The following MINDY2 variants were observed in gnomAD, a reference collection of about 807,000 sequenced individuals.
The protein encoded by MINDY2 is ubiquitin carboxyl-terminal hydrolase MINDY-2.
Under a neutral mutation model 68.2 loss-of-function variants are expected in MINDY2, and 52 were observed. The observed-to-expected ratio is 0.76, with a 90% CI of 0.61 to 0.96. MINDY2 has a LOEUF of 0.96. Ranked by LOEUF, MINDY2 falls within the 40% of genes least tolerant of loss-of-function variation. The pLI, the probability that MINDY2 is intolerant of heterozygous loss-of-function variation, is 0.00. For missense variants in MINDY2, 881 were observed against 773.4 expected, an observed-to-expected ratio of 1.14 and a Z score of -1.65; for synonymous variants, 372 against 303.0, an observed-to-expected ratio of 1.23 and a Z score of -2.36.
In MINDY2 at chr15:58,847,370, A is replaced by T; in HGVS notation, c.1442A>T (p.Asn481Ile). 6.2e-7 allele frequency: 1 copy of T among 1,609,292 alleles called. No individual in the cohort carries two copies. Among genetic ancestry groups the T allele is most frequent in the Non-Finnish European group, 8.5e-7 (1 of 1,176,424 alleles). ...EEKVVWESLH[N>I]VDGDGNFCDS... is the part of the protein sequence containing the mutation. ...AAAGTTGTTTGGGAAAGCCTACACA[A>T]CGTAGATGGTGATGGAAATTTCTGT... Residue 481 changes from asparagine (N) to isoleucine (I), a missense_variant, in exon 7 of 9, where the codon AAC (asparagine) becomes ATC (isoleucine). By Grantham distance (149) the Asn-to-Ile change is moderately radical. Coordinates refer to ENST00000559228, the MANE Select transcript of MINDY2 (RefSeq NM_001040450.3).
chr15:58,779,831 A>G (rs1030159231), intron 1 of MINDY2, among the ~76,000 whole-genome samples: 24 of 152,106 alleles, frequency 1.6e-4, no homozygotes, highest in Non-Finnish European at 2.9e-4. Context: ...ATAGTGATAG[A>G]TGTGTTCATT....
chr15:58,797,596 T>G (rs1043916172), intron 2 of MINDY2, among the ~76,000 whole-genome samples: 2 of 152,206 alleles, frequency 1.3e-5, no homozygotes, highest in African/African-American at 4.8e-5. Context: ...ACATTTGAGC[T>G]CAAATTCGTG....
chr15:58,791,225 A>ATC (rs1901881549), intron 2 of MINDY2, among the ~76,000 whole-genome samples: 1 of 21,090 alleles, frequency 4.7e-5, no homozygotes, highest in Non-Finnish European at 6.3e-5. Context: ...TTATATATAT[A>ATC]TATATATATA....
intron 6 of MINDY2, among the ~76,000 whole-genome samples, chr15:58,832,354 G>A (rs1257417694): frequency 6.6e-6 from 1 of 150,900 alleles, no homozygotes; most frequent in African/African-American, 2.4e-5. Flanking sequence ...AGCTTCCCGA[G>A]TAGCTGGGAT....
intron 5 of MINDY2, among the ~76,000 whole-genome samples, chr15:58,824,219 CT>C (rs1411245198): frequency 1.3e-5 from 2 of 152,168 alleles, no homozygotes; most frequent in Non-Finnish European, 2.9e-5. Context: ...TTCATTACTT[CT>C]TTTTCCTTAA....
intron 6 of MINDY2, among the ~76,000 whole-genome samples, chr15:58,842,733 G>A (rs571675238): frequency 6.6e-6 from 1 of 152,102 alleles, no homozygotes; most frequent in Non-Finnish European, 1.5e-5. Context: ...TAGAGGCTTT[G>A]TACTATATTA....
At chr15:58,796,610 G>A (rs1902298825) in intron 2 of MINDY2, among the ~76,000 whole-genome samples, 2 of 152,176 alleles carry the variant, frequency 1.3e-5, no homozygotes, top group Admixed American at 6.5e-5. Flanking sequence ...TGCAACCTCT[G>A]CCTCCCAGGT....
rs970822399 is a variant in MINDY2 at position 58,861,202 on chromosome 15, T to C, written c.*6592T>C. 1 of 152,254 alleles carries C rather than the reference T, an allele frequency of 6.6e-6. No individual in the cohort carries two copies. Among genetic ancestry groups the C allele is most frequent in the Non-Finnish European group, 1.5e-5 (1 of 68,044 alleles). 9.4% of individuals were successfully genotyped at this position (152,254 alleles called of 1,614,324 possible). ...GGTATAATGACTACAGAGAAAATTATCTTGAAATATAGCAAGGAAGAGAAA... is the reference window on the plus strand; with the variant it reads ...GGTATAATGACTACAGAGAAAATTACCTTGAAATATAGCAAGGAAGAGAAA... On this transcript the variant is annotated 3_prime_UTR_variant, in exon 9 of 9. Transcript: ENST00000559228.
At chr15:58,784,620 CTT>C (rs777455607) in intron 1 of MINDY2, among the ~76,000 whole-genome samples, 11 of 129,824 alleles carry the variant, frequency 8.5e-5, no homozygotes, top group Non-Finnish European at 8.2e-5. Context: ...TCTTTCTTTC[CTT>C]TTTTTTTTTT....
intron 1 of MINDY2, among the ~76,000 whole-genome samples, chr15:58,778,131 T>A (rs1900894208): frequency 6.6e-6 from 1 of 152,154 alleles, no homozygotes; most frequent in African/African-American, 2.4e-5. Flanking sequence ...TACTTTTTTT[T>A]TATTTTAGAA....
At chr15:58,813,367 T>C (rs2030435975) in intron 4 of MINDY2, among the ~76,000 whole-genome samples, 1 of 152,082 alleles carries the variant, frequency 6.6e-6, no homozygotes, top group South Asian at 2.1e-4. Context: ...TCATGGCATG[T>C]GCCTATAATC....
intron 5 of MINDY2, among the ~76,000 whole-genome samples, chr15:58,822,753 T>A (rs534146021): frequency 6.6e-6 from 1 of 152,168 alleles, no homozygotes; most frequent in South Asian, 2.1e-4. Context: ...CATGTAGATA[T>A]ACCTTCTCAG....
chr15:58,779,759 G>A (rs1901013178), intron 1 of MINDY2, among the ~76,000 whole-genome samples: 1 of 152,226 alleles, frequency 6.6e-6, no homozygotes. Context: ...CTCTGGATTT[G>A]TAAGATAAGG....
At chr15:58,786,251 T>C (rs1361175734) in intron 1 of MINDY2, among the ~76,000 whole-genome samples, 6 of 152,232 alleles carry the variant, frequency 3.9e-5, no homozygotes, top group African/African-American at 1.4e-4. Context: ...GGGGGAATTG[T>C]TGGAGAAATT....
chr15:58,846,699 GTT>G (rs1459398190), intron 6 of MINDY2, among the ~76,000 whole-genome samples: 1 of 151,798 alleles, frequency 6.6e-6, no homozygotes, highest in Admixed American at 6.6e-5. Context: ...CACGTACAGA[GTT>G]TATGTGATAA....
At chr15:58,821,614 T>G in intron 4 of MINDY2, 103 bp from the exon 5 acceptor site, 1 of 516,402 alleles carries the variant, frequency 1.9e-6, no homozygotes, top group Non-Finnish European at 3.0e-6. Context: ...AATAGTTTTA[T>G]ATTTAGTATT....
At chr15:58,839,091 TTAAA>T (rs2032147508) in intron 6 of MINDY2, among the ~76,000 whole-genome samples, 1 of 152,078 alleles carries the variant, frequency 6.6e-6, no homozygotes, top group Non-Finnish European at 1.5e-5. Context: ...AAAAGTTTTT[TTAAA>T]TATTTATTTA....
intron 1 of MINDY2, among the ~76,000 whole-genome samples, chr15:58,784,868 C>G (rs1483533643): frequency 6.6e-6 from 1 of 151,782 alleles, no homozygotes; most frequent in African/African-American, 2.4e-5. Context: ...CTCCTGGGCT[C>G]AAGTGATCCT....
chr15:58,823,751 G>C (rs1221099636), intron 5 of MINDY2, among the ~76,000 whole-genome samples: 2 of 152,114 alleles, frequency 1.3e-5, no homozygotes, highest in African/African-American at 4.8e-5. Flanking sequence ...TACAGCATGA[G>C]GCAGCAGTGT....
Sources: gnomAD v4.1 joint callset for allele counts (sites outside exome capture counted in the v4.1 genomes callset) on GRCh38, gnomAD v4.1.1 for gene constraint, MANE v1.5 for transcripts, NCBI Gene and HGNC (gene_info 2026-07-23, HGNC 2026-07-21) for gene names.